Variants in ATAD3C observed in about 807,000 individuals in gnomAD.
The protein encoded by ATAD3C is ATPase family AAA domain containing 3C.
In ATAD3C, 38 loss-of-function variants were observed where a neutral mutation model predicts 46.3. That is an observed-to-expected ratio of 0.82 (90% CI 0.63 to 1.08). The LOEUF is 1.08. ATAD3C is among the 50% of genes least tolerant of loss of function. The pLI is 0.00. For missense variants in ATAD3C, 563 were observed against 572.7 expected (o/e 0.98, Z 0.17); for synonymous variants, 220 against 236.4 (o/e 0.93, Z 0.63).
At chr1:1,452,547 C>T in intron 3 of ATAD3C, 113 bp downstream of exon 3, 1 of 1,540,202 alleles carries the variant, frequency 6.5e-7, no homozygotes, top group Non-Finnish European at 8.9e-7. Flanking sequence ...GGCGCTCTCC[C>T]AGCATGGAAC....
rs774656765 is a variant in ATAD3C at position 1,455,853 on chromosome 1, G to A, written c.501G>A (p.Arg167=). Residue 167 remains arginine, a synonymous_variant, in exon 6 of 12, where the codon CGG becomes CGA. Transcript: ENST00000378785. ...TGACAAGGAACATCAAGAAGAACCG[G>A]GGCCTGTACAGGCACATCCTGCTGT... The part of the protein sequence containing the change: ...AIMTRNIKKN[R]GLYRHILLYG... 3.7e-6 allele frequency: 6 copies of A among 1,613,376 alleles called. No homozygotes were observed. The East Asian group carries it at 1.1e-4, about 30-fold the overall frequency.
chr1:1,461,776 G>A (rs1344047485), intron 10 of ATAD3C, among the ~76,000 whole-genome samples: 1 of 152,046 alleles, frequency 6.6e-6, no homozygotes, highest in East Asian at 1.9e-4. Flanking sequence ...TAGAGGGAGA[G>A]GCTCCTCATG....
intron 4 of ATAD3C, 123 bp from the exon 5 acceptor site, chr1:1,455,337 A>T: frequency 7.1e-7 from 1 of 1,404,910 alleles, no homozygotes; most frequent in South Asian, 1.3e-5. Flanking sequence ...TTCCAGCTCC[A>T]GGCCGGTCCT....
At chr1:1,467,945 A>T (rs1323266975) in intron 11 of ATAD3C, among the ~76,000 whole-genome samples, 1 of 152,060 alleles carries the variant, frequency 6.6e-6, no homozygotes, top group African/African-American at 2.4e-5. Flanking sequence ...TGGTGCCACC[A>T]GCCACGTGCC....
chr1:1,451,676 G>C (rs1638861090), intron 1 of ATAD3C, among the ~76,000 whole-genome samples: 1 of 152,082 alleles, frequency 6.6e-6, no homozygotes, highest in Non-Finnish European at 1.5e-5. Flanking sequence ...TCACAGGCGG[G>C]GTTCACGTGT....
At chr1:1,451,003 A>T (rs1486223138) in intron 1 of ATAD3C, among the ~76,000 whole-genome samples, 1 of 150,814 alleles carries the variant, frequency 6.6e-6, no homozygotes, top group Non-Finnish European at 1.5e-5. Context: ...GAGGGCCTGG[A>T]TCTTCTTGAC....
intron 8 of ATAD3C, among the ~76,000 whole-genome samples, chr1:1,457,540 G>A (rs972442393): frequency 9.3e-5 from 13 of 139,668 alleles, no homozygotes; most frequent in African/African-American, 3.1e-4. Context: ...AGCTTGCAGT[G>A]AGCCGAGATC....
chr1:1,466,103 G>T (rs1000577711), intron 11 of ATAD3C, among the ~76,000 whole-genome samples: 1 of 151,634 alleles, frequency 6.6e-6, no homozygotes, highest in Non-Finnish European at 1.5e-5. Flanking sequence ...TTAGTTGGGC[G>T]TGGTGGTGCA....
chr1:1,458,653 G>C (rs1639006190), intron 8 of ATAD3C, among the ~76,000 whole-genome samples: 1 of 151,378 alleles, frequency 6.6e-6, no homozygotes, highest in South Asian at 2.1e-4. Context: ...GAACTTCTGA[G>C]CTAAAGAGAT....
chr1:1,454,620 G>C, intron 4 of ATAD3C, 120 bp downstream of exon 4: 2 of 1,441,280 alleles, frequency 1.4e-6, no homozygotes, highest in Non-Finnish European at 1.8e-6. Flanking sequence ...ACAGGCACCC[G>C]CACGCTGCTT....
intron 3 of ATAD3C, among the ~76,000 whole-genome samples, chr1:1,453,031 C>G (rs562988538): frequency 2.0e-5 from 3 of 152,130 alleles, no homozygotes; most frequent in African/African-American, 7.2e-5. Flanking sequence ...CACAGTAGGT[C>G]CCCGGCACTG....
At chr1:1,455,150 G>C (rs1249588903) in intron 4 of ATAD3C, among the ~76,000 whole-genome samples, 1 of 142,002 alleles carries the variant, frequency 7.0e-6, no homozygotes, top group Non-Finnish European at 1.5e-5. Flanking sequence ...CTGGGAGATG[G>C]AGCTTGCAGT....
chr1:1,457,258 G>A (rs1452439229), intron 8 of ATAD3C, 78 bp downstream of exon 8: 1 of 1,596,984 alleles, frequency 6.3e-7, no homozygotes, highest in East Asian at 2.2e-5. Context: ...CCAGGCCGCA[G>A]CCCACTGCTC....
chr1:1,455,432 C>A (rs775429339), intron 4 of ATAD3C, 28 bp from the exon 5 acceptor site: 3 of 1,609,530 alleles, frequency 1.9e-6, no homozygotes, highest in Non-Finnish European at 2.5e-6. Flanking sequence ...TGGCAGGTGA[C>A]CCAATGGTGC....
chr1:1,456,306 G>A lies in ATAD3C; in HGVS notation c.646G>A (p.Ala216Thr), dbSNP rs776313193. The change falls in exon 7 of 12, where the codon GCC becomes ACC. Residue 216 changes from alanine to threonine, a missense_variant. By Grantham distance (58) the Ala-to-Thr change is moderately conservative. This residue lies in a region of ATAD3C where 27 missense variants were observed against 76.2 expected (regional missense o/e 0.35). Coordinates refer to ENST00000378785, the MANE Select transcript of ATAD3C (RefSeq NM_001039211.3). Reference sequence around the variant, plus strand: ...CCCCATGGGGCGGGAAGGCGTGACCGCCATGCACAAGCTCTTTGACTGGGC... The same window carrying A: ...CCCCATGGGGCGGGAAGGCGTGACCACCATGCACAAGCTCTTTGACTGGGC... ...VAPMGREGVTAMHKLFDWANT... is the reference protein window; with the variant it reads ...VAPMGREGVTTMHKLFDWANT... 1.7e-5 allele frequency: 25 copies of A among 1,437,864 alleles called. No homozygotes were observed. The highest frequency in any genetic ancestry group is 6.0e-5 in the East Asian group (2 of 33,406). 89.1% of individuals were successfully genotyped at this position (1,437,864 alleles called of 1,614,324 possible). A position where few individuals can be genotyped will look rare whatever the true frequency, so the allele number is the denominator to read the frequency against.
chr1:1,453,923 G>C (rs919672317), intron 3 of ATAD3C, among the ~76,000 whole-genome samples: 2 of 152,022 alleles, frequency 1.3e-5, no homozygotes, highest in African/African-American at 4.8e-5. Context: ...TTACAGACCT[G>C]AGCTACTGTG....
At chr1:1,455,026 T>TA (rs923294140) in intron 4 of ATAD3C, among the ~76,000 whole-genome samples, 1 of 151,224 alleles carries the variant, frequency 6.6e-6, no homozygotes, top group Non-Finnish European at 1.5e-5. Flanking sequence ...CCATCCTGGC[T>TA]AACACAGTGA....
In ATAD3C at chr1:1,450,256, T is replaced by C. The variant is rs1242158029; in HGVS notation, c.-428T>C. The C allele has an allele frequency of 6.7e-6, 1 of 149,524 alleles. No individual in the cohort carries two copies. The highest frequency in any genetic ancestry group is 1.4e-5 in the Non-Finnish European group (1 of 71,802). The allele number at this position is 149,524 out of a possible 1,614,324, so 9.3% of individuals were successfully genotyped here. A position where few individuals can be genotyped will look rare whatever the true frequency, so the allele number is the denominator to read the frequency against. ...AGGAGAGTGACGTGAACCCGAGAGG[T>C]AGAGCTTGCAGTAAGCAGAGATCAT... On this transcript the variant is annotated 5_prime_UTR_variant, in exon 1 of 12. Coordinates refer to ENST00000378785, the MANE Select transcript of ATAD3C (RefSeq NM_001039211.3).
chr1:1,455,693 G>A (rs1282127223), intron 5 of ATAD3C, 98 bp from the exon 6 acceptor site: 12 of 1,570,648 alleles, frequency 7.6e-6, no homozygotes, highest in Middle Eastern at 3.4e-4. Flanking sequence ...GTGGCTCCCC[G>A]GAGAGCGGAG....
Sources: gnomAD v4.1 joint callset for allele counts (sites outside exome capture counted in the v4.1 genomes callset) on GRCh38, gnomAD v4.1.1 for gene constraint, gnomAD v4.1.1 regional missense constraint, MANE v1.5 for transcripts, NCBI Gene and HGNC (gene_info 2026-07-23, HGNC 2026-07-21) for gene names.